Variants in FGD4 observed in about 807,000 individuals in gnomAD.
FGD4 encodes FYVE, RhoGEF and PH domain containing 4.
In FGD4, 42 loss-of-function variants were observed where a neutral mutation model predicts 102.0. That is an observed-to-expected ratio of 0.41 (90% CI 0.32 to 0.53). FGD4 has a LOEUF of 0.53. Ranked by LOEUF, FGD4 falls within the 20% of genes least tolerant of loss-of-function variation. The pLI, the probability that FGD4 is intolerant of heterozygous loss-of-function variation, is 0.21. For synonymous variants in FGD4, 380 were observed against 375.7 expected (o/e 1.01, Z -0.13); for missense variants, 902 against 1,078.2 (o/e 0.84, Z 2.29).
At chr12:32,576,125 A>G in intron 2 of FGD4, 141 bp from the exon 3 acceptor site, 1 of 779,304 alleles carries the variant, frequency 1.3e-6, no homozygotes, top group Non-Finnish European at 2.0e-6. Context: ...TCTTTTGGTT[A>G]TGGTTTAGTT....
At chr12:32,496,560 T>C (rs1280020389) in intron 1 of FGD4, among the ~76,000 whole-genome samples, 1 of 152,236 alleles carries the variant, frequency 6.6e-6, no homozygotes, top group Non-Finnish European at 1.5e-5. Flanking sequence ...TTGCATATTA[T>C]AGAAGTCTCA....
At position 32,642,346 on chromosome 12, in the gene FGD4, CTG is replaced by C. The variant is rs1234666565; in HGVS notation, c.*1815_*1816del. ...CAGAGTGGTTTTTTGGAAAATTAAA[CTG>C]TAGCTATAGATGATGCTTTGGTTTT... On this transcript the variant is annotated 3_prime_UTR_variant, in exon 17 of 17. Transcript: ENST00000534526. The C allele has an allele frequency of 6.6e-6, 1 of 151,690 alleles. No homozygotes were observed. The highest frequency in any genetic ancestry group is 1.5e-5 in the Non-Finnish European group (1 of 67,886). The allele number at this position is 151,690 out of a possible 1,614,324, so 9.4% of individuals were successfully genotyped here.
intron 1 of FGD4, among the ~76,000 whole-genome samples, chr12:32,429,395 G>A (rs891910366): frequency 6.6e-6 from 1 of 152,180 alleles, no homozygotes; most frequent in African/African-American, 2.4e-5. Context: ...TCCTTCCTCT[G>A]GAAGCTTCGT....
At chr12:32,431,305 C>T (rs1256801049) in intron 1 of FGD4, among the ~76,000 whole-genome samples, 5 of 152,140 alleles carry the variant, frequency 3.3e-5, no homozygotes, top group African/African-American at 1.2e-4. Context: ...GCGTGTATCA[C>T]TGATACATGC....
intron 14 of FGD4, among the ~76,000 whole-genome samples, chr12:32,631,650 G>A (rs1158621292): frequency 2.0e-5 from 3 of 151,832 alleles, no homozygotes; most frequent in Non-Finnish European, 4.4e-5. Flanking sequence ...GACTACAGGC[G>A]GGCTTCACCA....
At chr12:32,467,394 C>T (rs918577410) in intron 1 of FGD4, among the ~76,000 whole-genome samples, 1 of 152,144 alleles carries the variant, frequency 6.6e-6, no homozygotes, top group African/African-American at 2.4e-5. Context: ...CAAGTCTTAC[C>T]TCTTTTGGAT....
rs1242621931 is a variant in FGD4, at chr12:32,544,355, G to C, written c.167-19782G>C. The stretch of plus-strand genomic sequence containing the variant: ...TGAGGCAGGAGAATCACTTGAACCT[G>C]GGAGGGAGAGGTTGCAGTGAGCCGA... On this transcript the variant is annotated intron_variant, in intron 1 of 16. Coordinates refer to ENST00000534526, the MANE Select transcript of FGD4 (RefSeq NM_001370298.3). The surrounding 1 kb of genome is among the most constrained non-coding windows in gnomAD (Gnocchi z 4.1). Among the ~76,000 whole-genome samples the C allele has an allele frequency of 6.6e-6, 1 of 152,144 alleles. No homozygotes were observed. The highest frequency in any genetic ancestry group is 1.9e-4 in the East Asian group (1 of 5,178).
intron 1 of FGD4, among the ~76,000 whole-genome samples, chr12:32,477,900 C>T (rs1008348017): frequency 3.3e-5 from 5 of 152,252 alleles, no homozygotes; most frequent in Admixed American, 6.5e-5. Context: ...AAACAGATGG[C>T]AGCAGAGGTT....
At chr12:32,488,130 A>G (rs534083201) in intron 1 of FGD4, among the ~76,000 whole-genome samples, 3 of 152,072 alleles carry the variant, frequency 2.0e-5, no homozygotes, top group East Asian at 3.9e-4. Context: ...TTGTTTTATT[A>G]GGTTATCAAT....
intron 1 of FGD4, among the ~76,000 whole-genome samples, chr12:32,457,859 T>A (rs1380858504): frequency 6.6e-6 from 1 of 152,220 alleles, no homozygotes; most frequent in East Asian, 1.9e-4. Context: ...ATCTGGTGCC[T>A]TGATCTTCTA....
Position 32,607,915 on chromosome 12 carries a change from C to G in FGD4, c.1405-42C>G, listed in dbSNP as rs1373502843. 7 of 1,612,928 alleles carry G rather than the reference C, an allele frequency of 4.3e-6. No individual in the cohort carries two copies. In the African/African-American group the frequency reaches 8.0e-5, roughly 18 times the overall value. On this transcript the variant is annotated intron_variant, in intron 7 of 16. Coordinates refer to ENST00000534526, the MANE Select transcript of FGD4 (RefSeq NM_001370298.3). ...TACAGTGAGTTTTTAGACTTGCTAA[C>G]CTAATTTTTAAATGTTTCTTAGAAA...
intron 15 of FGD4, chr12:32,637,881 G>T (rs1026813612): frequency 6.6e-6 from 1 of 152,208 alleles, no homozygotes; most frequent in South Asian, 2.1e-4. Flanking sequence ...CATGGGGATC[G>T]TGGGGATTAC....
chr12:32,633,645 G>A lies in FGD4; in HGVS notation c.2269G>A (p.Gly757Arg). 2.5e-6 allele frequency: 4 copies of A among 1,609,488 alleles called. No homozygotes were observed. Among genetic ancestry groups the A allele is most frequent in the Non-Finnish European group, 3.4e-6 (4 of 1,175,926 alleles). Residue 757 changes from glycine (G) to arginine (R), a missense_variant, in exon 15 of 17, where the codon GGA (glycine) becomes AGA (arginine). By Grantham distance (125) the Gly-to-Arg change is moderately radical (BLOSUM62 -2). Coordinates refer to ENST00000534526, the MANE Select transcript of FGD4 (RefSeq NM_001370298.3). ...TAAAGACTGTTATCAAATCATAAGTGGATTCACAGACAGTGAAGAAAAGAA... is the reference window on the plus strand; with the variant it reads ...TAAAGACTGTTATCAAATCATAAGTAGATTCACAGACAGTGAAGAAAAGAA... ...VCKDCYQIIS[G>R]FTDSEEKKRK...
rs1334355733 is a variant in FGD4 at position 32,579,047 on chromosome 12, T to TTTTTG, written c.503+2602_503+2603insGTTTT. On this transcript the variant is annotated intron_variant, in intron 3 of 16. Coordinates refer to ENST00000534526, the MANE Select transcript of FGD4 (RefSeq NM_001370298.3). ...AGACCTGAACATTAGTGGTTTTTTT[T>TTTTTG]TTTTTTTTTTTTTTTTGAGACAGAG... is the stretch of plus-strand genomic sequence containing the variant. Among the ~76,000 whole-genome samples, 8 of 139,326 alleles carry TTTTTG rather than the reference T, an allele frequency of 5.7e-5. No homozygotes were observed. The East Asian group carries it at 1.2e-3, about 22-fold the overall frequency. 91.4% of individuals were successfully genotyped at this position (139,326 alleles called of 152,430 possible).
chr12:32,424,236 C>G (rs1941751624), intron 1 of FGD4, among the ~76,000 whole-genome samples: 1 of 150,288 alleles, frequency 6.7e-6, no homozygotes, highest in Non-Finnish European at 1.5e-5. Context: ...AACCCCCTAA[C>G]AGGCCCCGGT....
At chr12:32,606,441 C>T (rs1408326191) in intron 7 of FGD4, among the ~76,000 whole-genome samples, 3 of 150,812 alleles carry the variant, frequency 2.0e-5, no homozygotes, top group African/African-American at 7.4e-5. Context: ...CATTACTTTA[C>T]GTCTTCTATT....
intron 1 of FGD4, among the ~76,000 whole-genome samples, chr12:32,554,795 C>G (rs1943960993): frequency 6.6e-6 from 1 of 152,220 alleles, no homozygotes; most frequent in African/African-American, 2.4e-5. Context: ...AACTTTCCAG[C>G]ACCAAGTAGT....
intron 1 of FGD4, among the ~76,000 whole-genome samples, chr12:32,412,433 AGG>A (rs1941244351): frequency 1.3e-5 from 2 of 152,138 alleles, no homozygotes; most frequent in African/African-American, 4.8e-5. Flanking sequence ...TTATCTCAGG[AGG>A]CTGTGTTTTG....
intron 1 of FGD4, among the ~76,000 whole-genome samples, chr12:32,499,658 A>G (rs1938042294): frequency 6.6e-6 from 1 of 152,202 alleles, no homozygotes; most frequent in Admixed American, 6.5e-5. Context: ...TAAGTCCAAT[A>G]TTTCTTCCTC....
Sources: gnomAD v4.1 joint callset for allele counts (sites outside exome capture counted in the v4.1 genomes callset) on GRCh38, gnomAD v4.1.1 for gene constraint, Gnocchi (gnomAD v3.1) non-coding constraint, MANE v1.5 for transcripts, NCBI Gene and HGNC (gene_info 2026-07-23, HGNC 2026-07-21) for gene names.